The following AZIN2 variants were observed in gnomAD, a reference collection of about 807,000 sequenced individuals.
The protein encoded by AZIN2 is antizyme inhibitor 2.
AZIN2 carries 28 observed loss-of-function variants against 47.8 expected under a neutral mutation model. The ratio of observed to expected loss-of-function variants is 0.59; its 90% CI spans 0.43 to 0.80. The LOEUF (loss-of-function observed/expected upper bound fraction) is 0.80. Among genes scored for constraint, AZIN2 ranks in the 30% least tolerant of loss-of-function variants. The pLI is 0.00. For missense variants in AZIN2, 535 were observed against 582.5 expected, an observed-to-expected ratio of 0.92 and a Z score of 0.84; for synonymous variants, 221 against 239.4, an observed-to-expected ratio of 0.92 and a Z score of 0.71.
At chr1:33,164,739 T>C in the AZIN2 span, 7 of 152,200 alleles carry the variant, frequency 4.6e-5, no homozygotes, top group African/African-American at 1.7e-4. Context: ...GGGGACATGC[T>C]CAGGATTGAC....
intron 10 of AZIN2, among the ~76,000 whole-genome samples, chr1:33,108,172 C>T (rs1644107266): frequency 6.6e-6 from 1 of 152,086 alleles, no homozygotes; most frequent in African/African-American, 2.4e-5. Context: ...GAAATAAATC[C>T]ATGCATTTAC....
chr1:33,094,677 C>T lies in AZIN2; in HGVS notation c.717C>T (p.Phe239=). 1.2e-6 allele frequency: 2 copies of T among 1,614,104 alleles called. No homozygotes were observed. The highest frequency in any genetic ancestry group is 1.7e-6 in the Non-Finnish European group (2 of 1,180,028). The change falls in exon 8 of 12, where the codon TTC becomes TTT. Residue 239 remains phenylalanine (F), a synonymous_variant. Coordinates refer to ENST00000294517, the MANE Select transcript of AZIN2 (RefSeq NM_052998.4). ...ACGTTCTGGACCTTGGTGGTGGCTT[C>T]CCTGGCACAGAAGGGGCCAAAGTGA... ...KMHVLDLGGG[F]PGTEGAKVRF... is the part of the protein sequence containing the mutation.
chr1:33,096,573 G>T (rs991670676), intron 8 of AZIN2, 134 bp from the exon 9 acceptor site: 32 of 1,091,702 alleles, frequency 2.9e-5, no homozygotes, highest in Admixed American at 4.1e-5. Flanking sequence ...ATCAGCTGGG[G>T]CCTTAGCAGC....
intron 10 of AZIN2, among the ~76,000 whole-genome samples, chr1:33,114,231 G>C (rs1644415410): frequency 1.3e-5 from 2 of 150,784 alleles, no homozygotes; most frequent in African/African-American, 4.9e-5. Flanking sequence ...TGATTCGCCT[G>C]TGTCAGCCTC....
intron 10 of AZIN2, among the ~76,000 whole-genome samples, chr1:33,110,498 GA>G (rs1644240481): frequency 6.6e-6 from 1 of 152,142 alleles, no homozygotes; most frequent in African/African-American, 2.4e-5. Context: ...ATAAGAAATT[GA>G]AAATATGACC....
the AZIN2 span, among the ~76,000 whole-genome samples, chr1:33,131,585 A>G: frequency 0.013 from 2,027 of 152,326 alleles, 61 homozygotes; most frequent in African/African-American, 0.046. Context: ...TATTGATTTT[A>G]GTATTATCAT....
chr1:33,163,409 G>A, the AZIN2 span: 1 of 152,244 alleles, frequency 6.6e-6, no homozygotes, highest in South Asian at 2.1e-4. Context: ...CTAGGTTTTA[G>A]GGAATCCTGC....
At position 33,113,959 on chromosome 1, in the gene AZIN2, A is replaced by G. The variant is rs1310099501; in HGVS notation, c.1030-3943A>G. ...GATTGACTTCTCTCCTGTTGTCTGC[A>G]CCTTTCATTTTAGAGATAATATGAC... On this transcript the variant is annotated intron_variant, in intron 10 of 11. Transcript: ENST00000294517. The surrounding 1 kb of genome is among the most constrained non-coding windows in gnomAD (Gnocchi z 4.1). 1.3e-5 allele frequency among the ~76,000 whole-genome samples: 2 copies of G among 152,080 alleles called. No individual in the cohort carries two copies. Among genetic ancestry groups the G allele is most frequent in the Non-Finnish European group, 2.9e-5 (2 of 68,014 alleles).
the AZIN2 span, among the ~76,000 whole-genome samples, chr1:33,139,894 T>C: frequency 1.3e-5 from 2 of 152,096 alleles, no homozygotes; most frequent in East Asian, 1.9e-4. Context: ...CCATAATCTT[T>C]CCTCTGCTGC....
chr1:33,158,854 T>A, the AZIN2 span, among the ~76,000 whole-genome samples: 5 of 152,086 alleles, frequency 3.3e-5, no homozygotes, highest in Non-Finnish European at 7.3e-5. Flanking sequence ...TTCTTTTTTT[T>A]TTTGAGACAG....
chr1:33,136,327 TTTCCTTCCTTCC>T, the AZIN2 span, among the ~76,000 whole-genome samples: 1,778 of 149,518 alleles, frequency 0.012, 27 homozygotes, highest in Non-Finnish European at 0.017. Flanking sequence ...TTTTTCTTTC[TTTCCTTCCTTCC>T]TTCCTTCTTT....
intron 10 of AZIN2, among the ~76,000 whole-genome samples, chr1:33,103,525 A>C (rs1464790192): frequency 1.3e-5 from 2 of 152,132 alleles, no homozygotes; most frequent in African/African-American, 4.8e-5. Context: ...TCTCTAAAGT[A>C]GGCTCACCTC....
chr1:33,117,784 AG>A, intron 10 of AZIN2, 117 bp from the exon 11 acceptor site: 1 of 1,096,930 alleles, frequency 9.1e-7, no homozygotes, highest in Non-Finnish European at 1.4e-6. Flanking sequence ...CTAAGCTAGG[AG>A]GCCCATCTAG....
chr1:33,112,970 G>C (rs1225772634), intron 10 of AZIN2, among the ~76,000 whole-genome samples: 3 of 152,004 alleles, frequency 2.0e-5, no homozygotes, highest in African/African-American at 7.2e-5. Flanking sequence ...TTCCATGAAG[G>C]TTTTATTTAT....
chr1:33,137,235 G>T, the AZIN2 span, among the ~76,000 whole-genome samples: 6,751 of 152,150 alleles, frequency 0.044, 361 homozygotes, highest in African/African-American at 0.13. Context: ...GCACAGGTTT[G>T]GGAGTCACAC....
In AZIN2 at chr1:33,093,339, G is replaced by T. The variant is rs551500125; in HGVS notation, c.510G>T (p.Lys170Asn). 1.4e-4 allele frequency: 224 copies of T among 1,614,116 alleles called. 4 individuals carry two copies. The South Asian group carries it at 2.4e-3, about 17-fold the overall frequency. The change falls in exon 7 of 12, where the codon AAG (lysine) becomes AAT (asparagine). Residue 170 changes from lysine (K) to asparagine (N), a missense_variant. By Grantham distance (94) the Lys-to-Asn change is moderately conservative. Transcript: ENST00000294517. ...DSHSLSCLSL[K>N]FGVSLKSCRH... ...ACTCCCTGAGCTGCCTGAGCCTAAA[G>T]TTTGGAGTGTCACTGAAATCCTGCA... is the stretch of plus-strand genomic sequence containing the variant.
At chr1:33,109,513 G>C (rs548592063) in intron 10 of AZIN2, among the ~76,000 whole-genome samples, 3 of 151,996 alleles carry the variant, frequency 2.0e-5, no homozygotes, top group East Asian at 1.9e-4. Context: ...ATTTTTAGTA[G>C]AGACGGGGTT....
chr1:33,155,141 G>A, the AZIN2 span, among the ~76,000 whole-genome samples: 1 of 149,210 alleles, frequency 6.7e-6, no homozygotes, highest in African/African-American at 2.4e-5. Context: ...GCGCGATCTC[G>A]GCTCATTGCA....
chr1:33,136,857 C>G, the AZIN2 span, among the ~76,000 whole-genome samples: 2 of 151,610 alleles, frequency 1.3e-5, no homozygotes. Flanking sequence ...ATTAGCTGGG[C>G]GTGGTGGTGC....
Sources: gnomAD v4.1 joint callset for allele counts (sites outside exome capture counted in the v4.1 genomes callset) on GRCh38, gnomAD v4.1.1 for gene constraint, Gnocchi (gnomAD v3.1) non-coding constraint, MANE v1.5 for transcripts, NCBI Gene and HGNC (gene_info 2026-07-23, HGNC 2026-07-21) for gene names.